The following DNM2 variants were observed in gnomAD, a reference collection of about 807,000 sequenced individuals.
The protein encoded by DNM2 is dynamin-2.
DNM2 carries 15 observed loss-of-function variants against 99.0 expected under a neutral mutation model. The ratio of observed to expected loss-of-function variants is 0.15; its 90% CI spans 0.10 to 0.23. The LOEUF (loss-of-function observed/expected upper bound fraction) is 0.23, where lower values mean the gene tolerates loss of function less well. DNM2 is among the 10% of genes least tolerant of loss of function. DNM2 has a pLI of 1.00. For missense variants in DNM2, 742 were observed against 1,189.4 expected (o/e 0.62, Z 5.53); for synonymous variants, 525 against 481.2 (o/e 1.09, Z -1.19).
chr19:10,808,505 C>T, intron 13 of DNM2, 64 bp from the exon 14 acceptor site: 1 of 1,584,630 alleles, frequency 6.3e-7, no homozygotes, highest in Non-Finnish European at 8.6e-7. Context: ...ACGTCCCTTC[C>T]ATCTCTTTTC....
chr19:10,775,884 G>C lies in DNM2; in HGVS notation c.567G>C (p.Leu189=). The C allele has an allele frequency of 6.2e-7, 1 of 1,613,024 alleles. No homozygotes were observed. ...TGGCCAACTCCGACGCCCTCAAGCT[G>C]GCCAAGGAAGTCGATCCCCAAGGTA... ...MDLANSDALK[L]AKEVDPQGLR... Residue 189 remains leucine, a synonymous_variant, in exon 4 of 21, where the codon CTG becomes CTC. Transcript: ENST00000389253. The surrounding 1 kb of genome is among the most constrained non-coding windows in gnomAD (Gnocchi z 4.3).
intron 1 of DNM2, among the ~76,000 whole-genome samples, chr19:10,723,361 G>A (rs992535496): frequency 6.6e-6 from 1 of 152,098 alleles, no homozygotes; most frequent in African/African-American, 2.4e-5. Flanking sequence ...TCGAACTCCC[G>A]ACCTCAGGTG....
rs774984285 is a variant in DNM2 at position 10,777,233 on chromosome 19, G to A, written c.688+17G>A. On this transcript the variant is annotated intron_variant, in intron 5 of 20. Coordinates refer to ENST00000389253, the MANE Select transcript of DNM2 (RefSeq NM_001005361.3). ...TGAGAAGAGGTGTGGCTTTGGGGGT[G>A]CTGGGGAAGCAGGAGGATGGGTGGG... 1 of 1,613,382 alleles carries A rather than the reference G, an allele frequency of 6.2e-7. No homozygotes were observed. Among genetic ancestry groups the A allele is most frequent in the Non-Finnish European group, 8.5e-7 (1 of 1,179,490 alleles).
intron 15 of DNM2, 88 bp from the exon 16 acceptor site, chr19:10,819,892 G>A (rs1484281442): frequency 1.1e-5 from 14 of 1,223,080 alleles, no homozygotes; most frequent in African/African-American, 4.5e-5. Flanking sequence ...CCCGGGGCTG[G>A]TGGTGGCGCA....
chr19:10,830,147 C>CGGTGTCCAG lies in DNM2; in HGVS notation c.2313_2321dup (p.Ser773_Ser774insArgValSer). 1.2e-6 allele frequency: 2 copies of CGGTGTCCAG among 1,613,858 alleles called. No individual in the cohort carries two copies. The highest frequency in any genetic ancestry group is 1.7e-6 in the Non-Finnish European group (2 of 1,179,828). Reference sequence around the variant, plus strand: ...CACAGCCCCACTCCACAGCGCCGACCGGTGTCCAGCATACACCCCCCTGGC... The same window carrying CGGTGTCCAG: ...CACAGCCCCACTCCACAGCGCCGACCGGTGTCCAGGGTGTCCAGCATACACCCCCCTGGC... On this transcript the variant is annotated inframe_insertion, in exon 20 of 21. Coordinates refer to ENST00000389253, the MANE Select transcript of DNM2 (RefSeq NM_001005361.3). This position sits in a 1 kb window ranked among gnomAD's most constrained non-coding sequence, Gnocchi z 4.8.
At chr19:10,829,979 C>A (rs2073277568) in intron 19 of DNM2, 148 bp from the exon 20 acceptor site, 2 of 1,214,696 alleles carry the variant, frequency 1.6e-6, no homozygotes, top group Admixed American at 1.7e-5. Context: ...GAAGGTGGGA[C>A]TGGCGCTCAG....
At chr19:10,815,522 G>T (rs1256470692) in intron 15 of DNM2, among the ~76,000 whole-genome samples, 1 of 152,198 alleles carries the variant, frequency 6.6e-6, no homozygotes, top group East Asian at 1.9e-4. Flanking sequence ...CTGGCTCACT[G>T]CATGTGTCCC....
chr19:10,798,303 C>A, intron 10 of DNM2, 183 bp from the exon 11 acceptor site: 2 of 626,258 alleles, frequency 3.2e-6, no homozygotes, highest in Admixed American at 2.5e-5. Flanking sequence ...GTCCACGGTG[C>A]CCCCACTCTT....
In DNM2 at chr19:10,797,271, AATC is replaced by A. The variant is rs1321669646; in HGVS notation, c.1197-107_1197-105del. 6 of 1,489,434 alleles carry A rather than the reference AATC, an allele frequency of 4.0e-6. No homozygotes were observed. In the African/African-American group the frequency reaches 5.5e-5, roughly 14 times the overall value. 92.3% of individuals were successfully genotyped at this position (1,489,434 alleles called of 1,614,324 possible). A position where few individuals can be genotyped will look rare whatever the true frequency, so the allele number is the denominator to read the frequency against. ...GCGCAGGCTCCCCCATGCATGGACT[AATC>A]AGATGACTCTCGTTTCTTCTCTTCT... On this transcript the variant is annotated intron_variant, in intron 9 of 20. Coordinates refer to ENST00000389253, the MANE Select transcript of DNM2 (RefSeq NM_001005361.3).
chr19:10,783,863 G>A lies in DNM2; in HGVS notation c.849+743G>A, dbSNP rs2071465980. Among the ~76,000 whole-genome samples the A allele has an allele frequency of 2.0e-5, 3 of 151,754 alleles. No individual in the cohort carries two copies. The South Asian group carries it at 6.2e-4, about 32-fold the overall frequency. ...TTACAGGCGTGTGCCACCACACCTG[G>A]CTAATTTTTGTATTTTTAGTAGAGA... On this transcript the variant is annotated intron_variant, in intron 6 of 20. Coordinates refer to ENST00000389253, the MANE Select transcript of DNM2 (RefSeq NM_001005361.3).
Position 10,812,802 on chromosome 19 carries a change from A to G in DNM2, c.1671+425A>G, listed in dbSNP as rs1011313436. ...ACTCCATCTCAAAATAAACAAACAA[A>G]CAAACAAAAAACAACCGTAACCCAG... On this transcript the variant is annotated intron_variant, in intron 15 of 20. Transcript: ENST00000389253. This position sits in a 1 kb window ranked among gnomAD's most constrained non-coding sequence, Gnocchi z 4.0. Among the ~76,000 whole-genome samples the G allele has an allele frequency of 2.0e-5, 3 of 152,144 alleles. No individual in the cohort carries two copies. The highest frequency in any genetic ancestry group is 4.4e-5 in the Non-Finnish European group (3 of 68,024).
chr19:10,830,657 C>T lies in DNM2; in HGVS notation c.2543+279C>T. 3.4e-6 allele frequency: 2 copies of T among 585,492 alleles called. No homozygotes were observed. Among genetic ancestry groups the T allele is most frequent in the Non-Finnish European group, 6.0e-6 (2 of 332,172 alleles). 36.3% of individuals were successfully genotyped at this position (585,492 alleles called of 1,614,324 possible). Reference sequence around the variant, plus strand: ...AGCTGGGGAACCCTCACACTGGGCACCTCCTCCCACTGTTTACCTTCTTCT... The same window carrying T: ...AGCTGGGGAACCCTCACACTGGGCATCTCCTCCCACTGTTTACCTTCTTCT... On this transcript the variant is annotated intron_variant, in intron 20 of 20. Transcript: ENST00000389253. The surrounding 1 kb of genome is among the most constrained non-coding windows in gnomAD (Gnocchi z 4.8).
rs1268358224 is a variant in DNM2, at chr19:10,795,893, C to A, written c.1196+454C>A. ...GTCTGCCCTTCCATCGCCGTGGGGT[C>A]CTCGGGTCACCCTGAGGGTTTCCGG... On this transcript the variant is annotated intron_variant, in intron 9 of 20. Coordinates refer to ENST00000389253, the MANE Select transcript of DNM2 (RefSeq NM_001005361.3). The surrounding 1 kb of genome is among the most constrained non-coding windows in gnomAD (Gnocchi z 4.2). The A allele has an allele frequency of 1.8e-6, 2 of 1,116,686 alleles. No individual in the cohort carries two copies. Among genetic ancestry groups the A allele is most frequent in the Non-Finnish European group, 2.7e-6 (2 of 747,406 alleles). 69.2% of individuals were successfully genotyped at this position (1,116,686 alleles called of 1,614,324 possible).
intron 16 of DNM2, among the ~76,000 whole-genome samples, chr19:10,821,496 G>A (rs985235958): frequency 2.0e-5 from 3 of 152,096 alleles, no homozygotes; most frequent in African/African-American, 7.2e-5. Context: ...CTGATATGCA[G>A]AAGCCGAGCT....
At chr19:10,727,987 G>C (rs2069169222) in intron 1 of DNM2, among the ~76,000 whole-genome samples, 2 of 152,188 alleles carry the variant, frequency 1.3e-5, no homozygotes, top group South Asian at 4.1e-4. Flanking sequence ...TGAATAAAGG[G>C]AAAATGTGGC....
At chr19:10,771,475 A>G (rs752689926) in intron 2 of DNM2, among the ~76,000 whole-genome samples, 1 of 152,134 alleles carries the variant, frequency 6.6e-6, no homozygotes, top group African/African-American at 2.4e-5. Context: ...TTGAATAGTC[A>G]GGGGGAGAAA....
chr19:10,747,148 C>T (rs1413271657), intron 1 of DNM2, among the ~76,000 whole-genome samples: 1 of 151,698 alleles, frequency 6.6e-6, no homozygotes, highest in East Asian at 1.9e-4. Flanking sequence ...ATTATAGGCA[C>T]GAACCACTGT....
chr19:10,781,739 AACTCTGTCTC>A (rs1466232175), intron 5 of DNM2: 1 of 152,190 alleles, frequency 6.6e-6, no homozygotes, highest in Non-Finnish European at 1.5e-5. Flanking sequence ...GCAAGAGTGA[AACTCTGTCTC>A]AAAACAAAAA....
intron 1 of DNM2, among the ~76,000 whole-genome samples, chr19:10,719,728 C>T (rs1208834124): frequency 2.0e-5 from 3 of 152,140 alleles, no homozygotes; most frequent in Non-Finnish European, 1.5e-5. Flanking sequence ...TTGTTGTTAT[C>T]ATTGTCAAGG....
Sources: allele counts gnomAD v4.1 joint callset (sites outside exome capture counted in the v4.1 genomes callset), GRCh38; gene constraint gnomAD v4.1.1; non-coding constraint Gnocchi (gnomAD v3.1); transcripts MANE v1.5; gene names NCBI Gene and HGNC (gene_info 2026-07-23, HGNC 2026-07-21).